Variants in NPAS3 observed in about 807,000 individuals in gnomAD.
The protein encoded by NPAS3 is neuronal PAS domain-containing protein 3.
In NPAS3, 14 loss-of-function variants were observed where a neutral mutation model predicts 73.1. The ratio of observed to expected loss-of-function variants is 0.19; its 90% CI spans 0.13 to 0.30. NPAS3 has a LOEUF of 0.30. NPAS3 is among the 10% of genes least tolerant of loss of function. The pLI is 1.00. For synonymous variants in NPAS3, 620 were observed against 541.5 expected (o/e 1.14, Z -2.01); for missense variants, 1,096 against 1,250.0 (o/e 0.88, Z 1.86).
chr14:33,472,330 G>C (rs1261704562), intron 4 of NPAS3, among the ~76,000 whole-genome samples: 1 of 152,096 alleles, frequency 6.6e-6, no homozygotes, highest in Non-Finnish European at 1.5e-5. Context: ...AGGATGTAGG[G>C]GGCCTTGAAG....
chr14:32,964,621 T>C (rs573880735), intron 1 of NPAS3, among the ~76,000 whole-genome samples: 14 of 152,318 alleles, frequency 9.2e-5, no homozygotes, highest in Admixed American at 5.9e-4. Flanking sequence ...AGGCAGCCCA[T>C]ATATTCTGCC....
At chr14:33,652,314 C>T (rs907194657) in intron 5 of NPAS3, among the ~76,000 whole-genome samples, 1 of 152,120 alleles carries the variant, frequency 6.6e-6, no homozygotes, top group Non-Finnish European at 1.5e-5. Context: ...GGAAACAGCA[C>T]CTTTTCACCT....
chr14:33,672,761 C>G (rs1460002765), intron 5 of NPAS3, among the ~76,000 whole-genome samples: 1 of 151,312 alleles, frequency 6.6e-6, no homozygotes, highest in Admixed American at 6.6e-5. Flanking sequence ...GAGAATTAGA[C>G]AGTTGGGCTT....
intron 6 of NPAS3, among the ~76,000 whole-genome samples, chr14:33,728,533 G>C (rs1051802411): frequency 6.6e-6 from 1 of 152,166 alleles, no homozygotes; most frequent in Non-Finnish European, 1.5e-5. Context: ...AAGTCTGACT[G>C]CTGAGCCAAA....
At chr14:33,717,040 C>T (rs2060975368) in intron 6 of NPAS3, among the ~76,000 whole-genome samples, 2 of 152,018 alleles carry the variant, frequency 1.3e-5, no homozygotes, top group Non-Finnish European at 2.9e-5. Context: ...AAAGGGCTAG[C>T]TCCTAAAATG....
chr14:33,435,110 G>A (rs942265423), intron 4 of NPAS3, among the ~76,000 whole-genome samples: 15 of 152,124 alleles, frequency 9.9e-5, no homozygotes, highest in African/African-American at 3.6e-4. Flanking sequence ...GAAACACATT[G>A]TTTCTACTCA....
intron 3 of NPAS3, among the ~76,000 whole-genome samples, chr14:33,258,494 G>T (rs1416322077): frequency 6.6e-6 from 1 of 152,328 alleles, no homozygotes; most frequent in African/African-American, 2.4e-5. Flanking sequence ...GTGTTATGTT[G>T]TAGGATTAGC....
chr14:33,094,488 T>C (rs1158567658), intron 2 of NPAS3, among the ~76,000 whole-genome samples: 2 of 148,822 alleles, frequency 1.3e-5, no homozygotes, highest in Non-Finnish European at 3.0e-5. Flanking sequence ...TTTTTTGAGA[T>C]GGAGTCTCAC....
intron 1 of NPAS3, among the ~76,000 whole-genome samples, chr14:32,962,852 C>T (rs933771021): frequency 1.3e-5 from 2 of 149,842 alleles, no homozygotes; most frequent in Admixed American, 6.6e-5. Flanking sequence ...TGTGAGCTAC[C>T]ACACCTGGCC....
chr14:32,973,262 T>C (rs1168852044), intron 1 of NPAS3, among the ~76,000 whole-genome samples: 6 of 152,010 alleles, frequency 3.9e-5, no homozygotes, highest in Non-Finnish European at 4.4e-5. Context: ...AGGAGTGGGG[T>C]AGTATGGGGT....
intron 7 of NPAS3, among the ~76,000 whole-genome samples, chr14:33,770,569 T>A (rs1208178758): frequency 6.6e-6 from 1 of 152,194 alleles, no homozygotes; most frequent in South Asian, 2.1e-4. Flanking sequence ...ATAGATTATG[T>A]GTCTTAGAAA....
chr14:32,961,274 T>C (rs1462577647), intron 1 of NPAS3, among the ~76,000 whole-genome samples: 1 of 151,848 alleles, frequency 6.6e-6, no homozygotes, highest in Non-Finnish European at 1.5e-5. Flanking sequence ...TAGCCGGGTG[T>C]GGTGGCGCGT....
At chr14:33,223,345 C>T (rs993127257) in intron 3 of NPAS3, among the ~76,000 whole-genome samples, 4 of 152,096 alleles carry the variant, frequency 2.6e-5, no homozygotes, top group African/African-American at 9.7e-5. Context: ...TCAAGAAAAC[C>T]ATGAGTATTC....
intron 4 of NPAS3, among the ~76,000 whole-genome samples, chr14:33,496,155 T>C (rs990249550): frequency 2.0e-5 from 3 of 151,996 alleles, no homozygotes; most frequent in Non-Finnish European, 4.4e-5. Flanking sequence ...CAGGAAGAAA[T>C]CGAATCCCTG....
chr14:33,379,356 G>C (rs1163261780), intron 4 of NPAS3, among the ~76,000 whole-genome samples: 2 of 152,034 alleles, frequency 1.3e-5, no homozygotes, highest in Admixed American at 6.5e-5. Context: ...AATTTTCAAA[G>C]TTGACAGACA....
intron 2 of NPAS3, among the ~76,000 whole-genome samples, chr14:33,135,780 G>C (rs2043808974): frequency 6.6e-6 from 1 of 152,138 alleles, no homozygotes; most frequent in Non-Finnish European, 1.5e-5. Context: ...GAGTGGGTCG[G>C]GGTAAATAAT....
intron 2 of NPAS3, among the ~76,000 whole-genome samples, chr14:33,194,187 C>A (rs138261096): frequency 1.3e-4 from 20 of 152,280 alleles, no homozygotes; most frequent in Admixed American, 9.2e-4. Context: ...GGAACTATTT[C>A]CTGTAAGTTA....
At chr14:33,082,799 C>T (rs9805925) in intron 2 of NPAS3, among the ~76,000 whole-genome samples, 9,095 of 152,170 alleles carry the variant, frequency 0.06, 378 homozygotes, top group Admixed American at 0.091. Flanking sequence ...TAGAGTGGTG[C>T]GAGGTTTTAA....
chr14:33,367,344 AT>A (rs558554747), intron 4 of NPAS3, 76 bp downstream of exon 4: 120 of 679,574 alleles, frequency 1.8e-4, no homozygotes, highest in Admixed American at 1.2e-3. Context: ...TTTTTAAAGA[AT>A]TTTTTTTAAA....
Sources: gnomAD v4.1 joint callset for allele counts (sites outside exome capture counted in the v4.1 genomes callset) on GRCh38, gnomAD v4.1.1 for gene constraint, MANE v1.5 for transcripts, NCBI Gene and HGNC (gene_info 2026-07-23, HGNC 2026-07-21) for gene names.